ALK: variants seen among roughly 807,000 people sequenced by gnomAD.
ALK encodes ALK receptor tyrosine kinase, also known as ALK tyrosine kinase receptor.
Under a neutral mutation model 163.1 loss-of-function variants are expected in ALK, and 74 were observed. That is an observed-to-expected ratio of 0.45 (90% confidence interval 0.38 to 0.55). ALK has a LOEUF of 0.55. ALK is among the 20% of genes least tolerant of loss of function. ALK has a pLI of 0.00. For synonymous variants in ALK, 960 were observed against 843.2 expected (o/e 1.14, Z -2.40); for missense variants, 2,063 against 2,105.3 (o/e 0.98, Z 0.39).
intron 4 of ALK, among the ~76,000 whole-genome samples, chr2:29,428,331 T>G (rs577355570): frequency 4.0e-4 from 61 of 152,096 alleles, no homozygotes; most frequent in African/African-American, 1.5e-3. Flanking sequence ...TTAAATTTGT[T>G]CTTTGCAAAA....
At chr2:29,268,371 G>A (rs761985666) in intron 11 of ALK, among the ~76,000 whole-genome samples, 1 of 152,216 alleles carries the variant, frequency 6.6e-6, no homozygotes, top group Non-Finnish European at 1.5e-5. Flanking sequence ...GAGGGCACCT[G>A]TCCTGGTTCT....
intron 26 of ALK, among the ~76,000 whole-genome samples, chr2:29,206,287 CCTCT>C (rs1004654480): frequency 6.6e-6 from 1 of 150,828 alleles, no homozygotes; most frequent in African/African-American, 2.4e-5. Flanking sequence ...TCCCTCCCTC[CCTCT>C]CTCTCCCCCT....
intron 5 of ALK, among the ~76,000 whole-genome samples, chr2:29,334,715 G>A (rs989181433): frequency 7.9e-5 from 12 of 152,298 alleles, no homozygotes; most frequent in Admixed American, 1.3e-4. Flanking sequence ...ACTCCGCCCA[G>A]TCTCCTTCCC....
chr2:29,884,320 T>TA (rs1666937724), intron 1 of ALK, among the ~76,000 whole-genome samples: 1 of 152,144 alleles, frequency 6.6e-6, no homozygotes, highest in Non-Finnish European at 1.5e-5. Context: ...AAAGTGACAG[T>TA]AGTGATGCTG....
intron 1 of ALK, among the ~76,000 whole-genome samples, chr2:29,904,960 C>T (rs1172552356): frequency 6.6e-6 from 1 of 152,178 alleles, no homozygotes; most frequent in Non-Finnish European, 1.5e-5. Flanking sequence ...ATTCTCCCTC[C>T]TTCTGTTTTA....
intron 5 of ALK, among the ~76,000 whole-genome samples, chr2:29,359,851 C>A (rs1287510011): frequency 6.6e-6 from 1 of 152,214 alleles, no homozygotes; most frequent in Non-Finnish European, 1.5e-5. Flanking sequence ...CAGCACGGCC[C>A]TTTGGTGGTG....
In ALK at chr2:29,233,486, T is replaced by C; in HGVS notation, c.2487+79A>G. ...CGGGGATAAGAGCATCTGAGGTGTT[T>C]CTATCCCAGGGCTGTCATGAGGCTC... On this transcript the variant is annotated intron_variant, in intron 14 of 28. Coordinates refer to ENST00000389048, the MANE Select transcript of ALK (RefSeq NM_004304.5). 1.9e-6 allele frequency: 3 copies of C among 1,599,492 alleles called. No homozygotes were observed. In the South Asian group the frequency reaches 3.3e-5, roughly 18 times the overall value.
intron 1 of ALK, among the ~76,000 whole-genome samples, chr2:29,807,082 G>A (rs1193549325): frequency 2.6e-5 from 4 of 152,224 alleles, no homozygotes; most frequent in Non-Finnish European, 5.9e-5. Flanking sequence ...GCAGATTGAA[G>A]ATGACAATTA....
chr2:29,440,002 C>T (rs1356566129), intron 4 of ALK, among the ~76,000 whole-genome samples: 1 of 152,030 alleles, frequency 6.6e-6, no homozygotes, highest in African/African-American at 2.4e-5. Flanking sequence ...GAGGCCAAGG[C>T]AGGAGGATCA....
At chr2:29,880,639 G>A (rs1034696621) in intron 1 of ALK, among the ~76,000 whole-genome samples, 13 of 152,190 alleles carry the variant, frequency 8.5e-5, no homozygotes, top group African/African-American at 2.7e-4. Flanking sequence ...AAACACACAC[G>A]CCTCGGAGGA....
At chr2:29,642,352 C>A (rs147801865) in intron 3 of ALK, among the ~76,000 whole-genome samples, 1 of 152,156 alleles carries the variant, frequency 6.6e-6, no homozygotes, top group East Asian at 1.9e-4. Flanking sequence ...GAATGCAATT[C>A]GGTTGTCCTT....
At chr2:29,501,416 C>T (rs981626541) in intron 4 of ALK, among the ~76,000 whole-genome samples, 46 of 152,218 alleles carry the variant, frequency 3.0e-4, no homozygotes, top group South Asian at 6.2e-4. Context: ...AAAGAACTGT[C>T]CTTGAAACTC....
intron 5 of ALK, among the ~76,000 whole-genome samples, chr2:29,361,234 C>T (rs1264068490): frequency 6.6e-6 from 1 of 152,224 alleles, no homozygotes; most frequent in Admixed American, 6.5e-5. Flanking sequence ...AGACCGTCCA[C>T]ATTATTCACC....
intron 1 of ALK, among the ~76,000 whole-genome samples, chr2:29,772,220 T>C (rs1681048593): frequency 6.6e-6 from 1 of 152,100 alleles, no homozygotes; most frequent in South Asian, 2.1e-4. Context: ...GACACAGTGA[T>C]ACAATCAGAG....
chr2:29,796,547 T>C (rs1664316278), intron 1 of ALK, among the ~76,000 whole-genome samples: 1 of 152,192 alleles, frequency 6.6e-6, no homozygotes. Context: ...AATGGATTCA[T>C]TTTATGTCAT....
chr2:29,208,141 A>G (rs113508925), intron 25 of ALK: 1 of 433,044 alleles, frequency 2.3e-6, no homozygotes, highest in South Asian at 1.6e-5. Context: ...AATATAGAAA[A>G]CACAGTAATG....
intron 2 of ALK, among the ~76,000 whole-genome samples, chr2:29,712,605 T>C (rs1261773960): frequency 1.3e-5 from 2 of 150,354 alleles, no homozygotes; most frequent in Admixed American, 1.3e-4. Context: ...TTTTTGATTC[T>C]GTGTTAGGCT....
intron 1 of ALK, among the ~76,000 whole-genome samples, chr2:29,749,381 C>T (rs1680291629): frequency 1.3e-5 from 2 of 152,174 alleles, no homozygotes; most frequent in Admixed American, 1.3e-4. Context: ...CTTGGGGACA[C>T]CAACCTATGT....
intron 1 of ALK, among the ~76,000 whole-genome samples, chr2:29,853,500 A>G (rs895264333): frequency 3.3e-5 from 5 of 151,726 alleles, no homozygotes; most frequent in African/African-American, 1.2e-4. Context: ...TGCTCTCCCC[A>G]CTTCTACCAC....
Sources: gnomAD v4.1 joint callset for allele counts (sites outside exome capture counted in the v4.1 genomes callset) on GRCh38, gnomAD v4.1.1 for gene constraint, MANE v1.5 for transcripts, NCBI Gene and HGNC (gene_info 2026-07-23, HGNC 2026-07-21) for gene names.